The following ADARB1 variants were observed in gnomAD, a reference collection of about 807,000 sequenced individuals.
ADARB1 encodes double-stranded RNA-specific editase 1.
Under a neutral mutation model 52.4 loss-of-function variants are expected in ADARB1, and 10 were observed. That is an observed-to-expected ratio of 0.19 (90% CI 0.12 to 0.32). The LOEUF (loss-of-function observed/expected upper bound fraction) is 0.32. Ranked by LOEUF, ADARB1 falls within the 10% of genes least tolerant of loss-of-function variation. ADARB1 has a pLI of 1.00. For missense variants in ADARB1, 643 were observed against 922.3 expected (o/e 0.70, Z 3.92); for synonymous variants, 349 against 371.1 (o/e 0.94, Z 0.68).
chr21:45,131,925 C>T (rs2088967215), intron 2 of ADARB1, among the ~76,000 whole-genome samples: 1 of 152,216 alleles, frequency 6.6e-6, no homozygotes, highest in Admixed American at 6.5e-5. Context: ...GGGCTCTTCT[C>T]TGTGTGGAGG....
At chr21:45,150,848 C>A (rs1186967961) in intron 2 of ADARB1, among the ~76,000 whole-genome samples, 1 of 152,214 alleles carries the variant, frequency 6.6e-6, no homozygotes, top group South Asian at 2.1e-4. Context: ...TTATTCCTGC[C>A]TGACCGTCAC....
rs985396703 is a variant in ADARB1 at position 45,222,168 on chromosome 21, G to A, written c.2077G>A (p.Glu693Lys). 6 of 1,599,786 alleles carry A rather than the reference G, an allele frequency of 3.8e-6. No individual in the cohort carries two copies. The highest frequency in any genetic ancestry group is 2.2e-5 in the East Asian group (1 of 44,782). Reference sequence around the variant, plus strand: ...GGGGGCCTGGGTGGAGAAGCCCACCGAGCAGGACCAGTTCTCACTCACGCC... The same window carrying A: ...GGGGGCCTGGGTGGAGAAGCCCACCAAGCAGGACCAGTTCTCACTCACGCC... The part of the protein sequence containing the change: ...GLGAWVEKPT[E>K]QDQFSLTP Residue 693 changes from glutamate to lysine, a missense_variant, in exon 11 of 11, where the codon GAG becomes AAG. Around this residue, in one of 2 missense-constraint regions of ADARB1, gnomAD observed 263 missense variants for 475.8 expected, o/e 0.55. Coordinates refer to ENST00000348831, the MANE Select transcript of ADARB1 (RefSeq NM_001112.4).
rs1569191846 is a variant in ADARB1 at position 45,222,767 on chromosome 21, C to CGAGG, written c.*570_*571insGAGG. ...AGGTCTCTTTTCTCCGTAGGTACCTCCCTGGGTAGTTCCACACACTAGGTT... is the reference window on the plus strand; with the variant it reads ...AGGTCTCTTTTCTCCGTAGGTACCTCGAGGCCTGGGTAGTTCCACACACTAGGTT... On this transcript the variant is annotated 3_prime_UTR_variant, in exon 11 of 11. Coordinates refer to ENST00000348831, the MANE Select transcript of ADARB1 (RefSeq NM_001112.4). 1 of 985,806 alleles carries CGAGG rather than the reference C, an allele frequency of 1.0e-6. No homozygotes were observed. The highest frequency in any genetic ancestry group is 1.2e-6 in the Non-Finnish European group (1 of 830,340). 61.1% of individuals were successfully genotyped at this position (985,806 alleles called of 1,614,324 possible).
At chr21:45,117,186 A>T (rs1435080632) in intron 1 of ADARB1, 3 of 152,238 alleles carry the variant, frequency 2.0e-5, no homozygotes, top group African/African-American at 7.2e-5. Context: ...CAGTTCTATC[A>T]GATGCTCTTC....
At chr21:45,075,691 C>T (rs751299334) in intron 1 of ADARB1, among the ~76,000 whole-genome samples, 2 of 152,128 alleles carry the variant, frequency 1.3e-5, no homozygotes, top group Admixed American at 1.3e-4. Context: ...TGTTGGAGTC[C>T]CGATTTACAC....
intron 6 of ADARB1, 26 bp downstream of exon 6, chr21:45,182,779 A>G: frequency 6.5e-7 from 1 of 1,536,538 alleles, no homozygotes. Flanking sequence ...AAATAAGGAC[A>G]GGAAGCTCTT....
chr21:45,138,227 A>C (rs2089502840), intron 2 of ADARB1, among the ~76,000 whole-genome samples: 1 of 152,216 alleles, frequency 6.6e-6, no homozygotes, highest in Admixed American at 6.5e-5. Context: ...TTAACTGTGC[A>C]CTGTTAGTTC....
At chr21:45,155,836 A>G (rs933697708) in intron 2 of ADARB1, among the ~76,000 whole-genome samples, 7 of 112,846 alleles carry the variant, frequency 6.2e-5, no homozygotes, top group African/African-American at 2.4e-4. Context: ...CCATCCATCC[A>G]TCCACCCACC....
intron 1 of ADARB1, among the ~76,000 whole-genome samples, chr21:45,117,909 A>G (rs1422095714): frequency 6.6e-6 from 1 of 152,166 alleles, no homozygotes; most frequent in Non-Finnish European, 1.5e-5. Context: ...AGTCACCATT[A>G]TAGCTTTAAC....
Position 45,180,470 on chromosome 21 carries a change from C to T in ADARB1, c.1078+26C>T, listed in dbSNP as rs549757704. On this transcript the variant is annotated intron_variant, in intron 5 of 10. Coordinates refer to ENST00000348831, the MANE Select transcript of ADARB1 (RefSeq NM_001112.4). ...GTAACCATCTTGGTGTTGTATGTAA[C>T]CCTGCCTGTTTTCATGTCTGACAAA... The T allele has an allele frequency of 5.1e-6, 8 of 1,564,032 alleles. No homozygotes were observed. In the East Asian group the frequency reaches 1.8e-4, roughly 35 times the overall value.
At chr21:45,085,517 G>C (rs976338878) in intron 1 of ADARB1, among the ~76,000 whole-genome samples, 1 of 152,154 alleles carries the variant, frequency 6.6e-6, no homozygotes, top group Non-Finnish European at 1.5e-5. Flanking sequence ...CTCCATTCTC[G>C]ATATGAATGA....
At chr21:45,123,138 TAA>T (rs1283837583) in intron 1 of ADARB1, among the ~76,000 whole-genome samples, 1 of 152,180 alleles carries the variant, frequency 6.6e-6, no homozygotes, top group Non-Finnish European at 1.5e-5. Flanking sequence ...GACACATATA[TAA>T]GAGAATAATT....
At chr21:45,167,488 A>G (rs1205476996) in intron 2 of ADARB1, among the ~76,000 whole-genome samples, 1 of 152,226 alleles carries the variant, frequency 6.6e-6, no homozygotes, top group Non-Finnish European at 1.5e-5. Flanking sequence ...GCGGTGACTC[A>G]TGCCTGTAAT....
chr21:45,095,667 C>T (rs1000015194), intron 1 of ADARB1, among the ~76,000 whole-genome samples: 8 of 152,152 alleles, frequency 5.3e-5, no homozygotes, highest in African/African-American at 9.7e-5. Flanking sequence ...TCCAGCCTGA[C>T]GTTCCAGCTG....
Position 45,222,793 on chromosome 21 carries a change from G to A in ADARB1, c.*596G>A, listed in dbSNP as rs914700382. On this transcript the variant is annotated 3_prime_UTR_variant, in exon 11 of 11. Coordinates refer to ENST00000348831, the MANE Select transcript of ADARB1 (RefSeq NM_001112.4). ...CCTGGGTAGTTCCACACACTAGGTT[G>A]TAACAGTCTCTCCCTGAGGAGCAGA... 1 of 985,482 alleles carries A rather than the reference G, an allele frequency of 1.0e-6. No homozygotes were observed. The highest frequency in any genetic ancestry group is 1.7e-5 in the African/African-American group (1 of 57,230). The allele number at this position is 985,482 out of a possible 1,614,324, so 61.0% of individuals were successfully genotyped here.
chr21:45,088,891 G>C (rs981308366), intron 1 of ADARB1, among the ~76,000 whole-genome samples: 2 of 152,166 alleles, frequency 1.3e-5, no homozygotes, highest in African/African-American at 2.4e-5. Flanking sequence ...TCACAGTCTA[G>C]TCATGGAGAA....
chr21:45,088,923 G>A (rs2086453495), intron 1 of ADARB1, among the ~76,000 whole-genome samples: 1 of 152,112 alleles, frequency 6.6e-6, no homozygotes, highest in African/African-American at 2.4e-5. Context: ...TCCAGTAGAG[G>A]GACGTCCTGC....
intron 1 of ADARB1, among the ~76,000 whole-genome samples, chr21:45,101,904 T>C (rs1299274060): frequency 6.6e-6 from 1 of 152,186 alleles, no homozygotes; most frequent in Non-Finnish European, 1.5e-5. Context: ...ATTTATTTAT[T>C]TGGGACAGGG....
rs757862611 is a variant in ADARB1 at position 45,200,739 on chromosome 21, A to C, written c.1566-3816A>C. Among the ~76,000 whole-genome samples, 109 of 152,246 alleles carry C rather than the reference A, an allele frequency of 7.2e-4. No homozygotes were observed. In the Middle Eastern group the frequency reaches 0.014, roughly 19 times the overall value. On this transcript the variant is annotated intron_variant, in intron 8 of 10. Coordinates refer to ENST00000348831, the MANE Select transcript of ADARB1 (RefSeq NM_001112.4). This position sits in a 1 kb window ranked among gnomAD's most constrained non-coding sequence, Gnocchi z 5.0. ...AAGCAGGAAGGAATGGGCGTGGGGC[A>C]ACCACTAGGAAGCTGTAGTCCTTCC...
Sources: gnomAD v4.1 joint callset for allele counts (sites outside exome capture counted in the v4.1 genomes callset) on GRCh38, gnomAD v4.1.1 for gene constraint, gnomAD v4.1.1 regional missense constraint, Gnocchi (gnomAD v3.1) non-coding constraint, MANE v1.5 for transcripts, NCBI Gene and HGNC (gene_info 2026-07-23, HGNC 2026-07-21) for gene names.